ZC2HC1A: variants seen among roughly 807,000 people sequenced by gnomAD.
ZC2HC1A encodes zinc finger C2HC domain-containing protein 1A.
A neutral mutation model predicts 40.7 loss-of-function variants in ZC2HC1A; 28 were observed. The ratio of observed to expected loss-of-function variants is 0.69; its 90% CI spans 0.51 to 0.94. The LOEUF is 0.94. Ranked by LOEUF, ZC2HC1A falls within the 40% of genes least tolerant of loss-of-function variation. The pLI is 0.00. For missense variants in ZC2HC1A, 389 were observed against 386.3 expected, an observed-to-expected ratio of 1.01 and a Z score of -0.06; for synonymous variants, 129 against 129.2, an observed-to-expected ratio of 1.00 and a Z score of 0.01.
chr8:78,666,107 G>A lies in ZC2HC1A; in HGVS notation c.-42G>A, dbSNP rs780391678. On this transcript the variant is annotated 5_prime_UTR_variant, in exon 1 of 9. Transcript: ENST00000263849. ...TACAGCCAGAGCTGGGCGGTGGCGG[G>A]CGCTGCTGAAGGAGTCTCGCTGAGC... 2.2e-5 allele frequency: 34 copies of A among 1,557,984 alleles called. No homozygotes were observed. The South Asian group carries it at 3.5e-4, about 16-fold the overall frequency.
chr8:78,682,972 C>A (rs1449162642), intron 3 of ZC2HC1A, among the ~76,000 whole-genome samples: 1 of 152,246 alleles, frequency 6.6e-6, no homozygotes. Flanking sequence ...CCTTAAAGCT[C>A]TGAAACGATC....
chr8:78,694,572 G>A (rs1309461114), intron 5 of ZC2HC1A, among the ~76,000 whole-genome samples: 1 of 151,996 alleles, frequency 6.6e-6, no homozygotes, highest in Non-Finnish European at 1.5e-5. Flanking sequence ...ATATGGTTTG[G>A]CCTGGAAATT....
intron 7 of ZC2HC1A, among the ~76,000 whole-genome samples, chr8:78,706,796 G>T (rs1187161039): frequency 6.6e-6 from 1 of 152,066 alleles, no homozygotes; most frequent in Non-Finnish European, 1.5e-5. Context: ...TCAAATGATA[G>T]TAACTACATT....
intron 7 of ZC2HC1A, among the ~76,000 whole-genome samples, chr8:78,708,251 C>A (rs1408950945): frequency 6.6e-6 from 1 of 152,134 alleles, no homozygotes; most frequent in Non-Finnish European, 1.5e-5. Context: ...TATTTAAAGT[C>A]TGGTGTATGT....
chr8:78,671,008 T>TTTA (rs1490596574), intron 1 of ZC2HC1A, among the ~76,000 whole-genome samples: 1 of 152,020 alleles, frequency 6.6e-6, no homozygotes, highest in African/African-American at 2.4e-5. Flanking sequence ...ATTTGTTGAG[T>TTTA]GTTAAAGGAG....
intron 1 of ZC2HC1A, among the ~76,000 whole-genome samples, chr8:78,668,830 G>T (rs186797686): frequency 1.3e-5 from 2 of 152,190 alleles, no homozygotes; most frequent in East Asian, 3.9e-4. Flanking sequence ...TCTCTTATAA[G>T]CTTTTTTTAT....
chr8:78,715,656 A>C (rs1268939461), intron 8 of ZC2HC1A, among the ~76,000 whole-genome samples: 1 of 152,204 alleles, frequency 6.6e-6, no homozygotes, highest in Non-Finnish European at 1.5e-5. Context: ...TGGAGGAGGT[A>C]ACTGCAGATG....
chr8:78,686,374 T>G (rs1020180190), intron 3 of ZC2HC1A, 93 bp from the exon 4 acceptor site: 1 of 1,069,634 alleles, frequency 9.3e-7, no homozygotes, highest in Non-Finnish European at 1.2e-6. Flanking sequence ...AGAGAACATT[T>G]AAAATGATAT....
At chr8:78,709,593 GA>G (rs1257134740) in intron 7 of ZC2HC1A, among the ~76,000 whole-genome samples, 1 of 151,978 alleles carries the variant, frequency 6.6e-6, no homozygotes, top group East Asian at 1.9e-4. Context: ...GTAGAGGTAT[GA>G]CACATTTCAA....
chr8:78,666,523 G>A (rs1450183190), intron 1 of ZC2HC1A, among the ~76,000 whole-genome samples: 1 of 152,138 alleles, frequency 6.6e-6, no homozygotes, highest in Non-Finnish European at 1.5e-5. Context: ...CCTTGTACTG[G>A]ACTCTCTCCA....
chr8:78,702,066 T>C (rs1011284938), intron 7 of ZC2HC1A, among the ~76,000 whole-genome samples: 2 of 152,184 alleles, frequency 1.3e-5, no homozygotes, highest in Non-Finnish European at 1.5e-5. Flanking sequence ...TCTTTGTGCA[T>C]CTAGTAGAAT....
intron 5 of ZC2HC1A, among the ~76,000 whole-genome samples, chr8:78,696,145 C>T (rs1810403411): frequency 1.3e-5 from 2 of 152,052 alleles, no homozygotes; most frequent in South Asian, 4.1e-4. Context: ...CGCCATTCTC[C>T]TGCCTCAGCC....
At chr8:78,691,825 ACT>A (rs1470939299) in intron 5 of ZC2HC1A, among the ~76,000 whole-genome samples, 14 of 151,260 alleles carry the variant, frequency 9.3e-5, no homozygotes, top group African/African-American at 3.1e-4. Flanking sequence ...CATATATGTA[ACT>A]CTAGATATTA....
chr8:78,696,196 G>A (rs955881419), intron 5 of ZC2HC1A, among the ~76,000 whole-genome samples: 31 of 151,866 alleles, frequency 2.0e-4, no homozygotes, highest in African/African-American at 7.5e-4. Flanking sequence ...TACCACGCCC[G>A]GCTAATTTTT....
intron 1 of ZC2HC1A, among the ~76,000 whole-genome samples, chr8:78,668,645 T>C (rs375631881): frequency 1.3e-5 from 2 of 152,196 alleles, no homozygotes; most frequent in Admixed American, 6.5e-5. Context: ...TCAAACACTA[T>C]ACTTTGAAAT....
chr8:78,705,696 C>T (rs1810751053), intron 7 of ZC2HC1A, among the ~76,000 whole-genome samples: 1 of 152,170 alleles, frequency 6.6e-6, no homozygotes, highest in East Asian at 1.9e-4. Context: ...GCCCAAACAG[C>T]AAAGATGATG....
intron 6 of ZC2HC1A, among the ~76,000 whole-genome samples, chr8:78,697,779 A>G (rs2130544967): frequency 6.6e-6 from 1 of 151,868 alleles, no homozygotes; most frequent in South Asian, 2.1e-4. Context: ...CCCAGGTTCA[A>G]ATGATTCTCC....
At chr8:78,696,958 G>A (rs1233731255) in intron 5 of ZC2HC1A, among the ~76,000 whole-genome samples, 3 of 152,032 alleles carry the variant, frequency 2.0e-5, no homozygotes, top group Non-Finnish European at 2.9e-5. Context: ...AGTTTTTTCC[G>A]TTAGACCTTT....
At chr8:78,686,226 C>T (rs865779787) in intron 3 of ZC2HC1A, among the ~76,000 whole-genome samples, 1 of 152,072 alleles carries the variant, frequency 6.6e-6, no homozygotes, top group African/African-American at 2.4e-5. Flanking sequence ...GATGTAACAC[C>T]TACAGAAGGC....
Sources: allele counts gnomAD v4.1 joint callset (sites outside exome capture counted in the v4.1 genomes callset), GRCh38; gene constraint gnomAD v4.1.1; transcripts MANE v1.5; gene names NCBI Gene and HGNC (gene_info 2026-07-23, HGNC 2026-07-21).